Variants in SPAG16 observed in about 807,000 individuals in gnomAD.
The protein encoded by SPAG16 is sperm associated antigen 16, also known as sperm-associated antigen 16 protein.
SPAG16 carries 86 observed loss-of-function variants against 80.4 expected under a neutral mutation model. That is an observed-to-expected ratio of 1.07 (90% confidence interval 0.90 to 1.28). The LOEUF (loss-of-function observed/expected upper bound fraction) is 1.28, where lower values mean the gene tolerates loss of function less well. SPAG16 is among the 50% of genes most tolerant of loss of function. The probability of loss-of-function intolerance (pLI) is 0.00; values close to 1 mark genes in which losing one functional copy is unlikely to be tolerated. For missense variants in SPAG16, 870 were observed against 765.3 expected (o/e 1.14, Z -1.61); for synonymous variants, 294 against 265.9 (o/e 1.11, Z -1.03).
At chr2:214,303,419 T>C (rs1694696680) in intron 15 of SPAG16, among the ~76,000 whole-genome samples, 1 of 152,188 alleles carries the variant, frequency 6.6e-6, no homozygotes, top group Non-Finnish European at 1.5e-5. Flanking sequence ...ATGGATGGCA[T>C]TTTTTTAAAG....
chr2:214,231,233 A>G (rs1049698163), intron 15 of SPAG16, among the ~76,000 whole-genome samples: 7 of 152,014 alleles, frequency 4.6e-5, no homozygotes, highest in East Asian at 1.9e-4. Flanking sequence ...TTCAAATGCA[A>G]TCTAGCCTGG....
At chr2:213,763,560 A>G (rs2068773576) in intron 10 of SPAG16, among the ~76,000 whole-genome samples, 1 of 152,172 alleles carries the variant, frequency 6.6e-6, no homozygotes, top group Non-Finnish European at 1.5e-5. Flanking sequence ...AGTTTCAGTT[A>G]TGCAACATTA....
intron 12 of SPAG16, among the ~76,000 whole-genome samples, chr2:213,958,510 C>A (rs2044258712): frequency 6.6e-6 from 1 of 152,132 alleles, no homozygotes; most frequent in African/African-American, 2.4e-5. Flanking sequence ...GCCAAAGCAA[C>A]ATAAAATTAT....
intron 9 of SPAG16, among the ~76,000 whole-genome samples, chr2:213,397,406 C>T (rs1359487749): frequency 3.3e-5 from 5 of 152,198 alleles, no homozygotes; most frequent in African/African-American, 4.8e-5. Context: ...TGTTCTCCCT[C>T]CTTCATGAAC....
intron 12 of SPAG16, among the ~76,000 whole-genome samples, chr2:213,975,142 ATAGATG>A (rs1478028446): frequency 2.2e-4 from 34 of 151,138 alleles, no homozygotes; most frequent in African/African-American, 8.0e-4. Context: ...TAGGTCTGTA[ATAGATG>A]TAGATGTATT....
intron 15 of SPAG16, among the ~76,000 whole-genome samples, chr2:214,403,812 A>G (rs1701846171): frequency 6.6e-6 from 1 of 152,220 alleles, no homozygotes. Context: ...CACGAAGTTA[A>G]GAATGTAAGA....
In SPAG16 at chr2:214,154,841, C is replaced by A. The variant is rs571673029; in HGVS notation, c.1720+5575C>A. Among the ~76,000 whole-genome samples the A allele has an allele frequency of 1.3e-4, 20 of 152,128 alleles. 1 individual carries two copies. The South Asian group carries it at 1.7e-3, about 13-fold the overall frequency. On this transcript the variant is annotated intron_variant, in intron 15 of 15. Transcript: ENST00000331683. The stretch of plus-strand genomic sequence containing the variant: ...GACAAGATGTTGTAACAAAGACCAA[C>A]CAGATTTATTCCTAACCTAAAACGA...
intron 10 of SPAG16, among the ~76,000 whole-genome samples, chr2:213,703,120 T>G (rs766549252): frequency 1.3e-5 from 2 of 152,168 alleles, no homozygotes; most frequent in Admixed American, 1.3e-4. Flanking sequence ...CCTGTGATAA[T>G]AGACATAGTG....
At chr2:213,324,829 C>G (rs997345484) in intron 5 of SPAG16, among the ~76,000 whole-genome samples, 1 of 152,052 alleles carries the variant, frequency 6.6e-6, no homozygotes, top group Non-Finnish European at 1.5e-5. Context: ...TTCCCACATT[C>G]AAGTTGGTCC....
At chr2:213,746,900 ATTTACTGTACTTTTTATCATTATTTTAG>A in intron 10 of SPAG16, among the ~76,000 whole-genome samples, 1 of 152,208 alleles carries the variant, frequency 6.6e-6, no homozygotes, top group South Asian at 2.1e-4. Context: ...TGGTTTATGT[ATTTACTGTACTTTTTATCATTATTTTAG>A]AGTGTACTCC....
At chr2:214,142,626 A>G (rs1233991707) in intron 14 of SPAG16, among the ~76,000 whole-genome samples, 3 of 152,182 alleles carry the variant, frequency 2.0e-5, no homozygotes, top group Non-Finnish European at 4.4e-5. Context: ...CGTTTAATGT[A>G]GATGAAATCT....
Position 213,715,222 on chromosome 2 carries a change from G to GTCTGTCTATCTATCTA in SPAG16, c.1071-147260_1071-147259insGTCTATCTATCTATCT, listed in dbSNP as rs547716333. 5.6e-3 allele frequency among the ~76,000 whole-genome samples: 619 copies of GTCTGTCTATCTATCTA among 110,562 alleles called. 7 individuals carry two copies. The highest frequency in any genetic ancestry group is 0.012 in the African/African-American group (415 of 34,910). 72.5% of individuals were successfully genotyped at this position (110,562 alleles called of 152,430 possible). On this transcript the variant is annotated intron_variant, in intron 10 of 15. Coordinates refer to ENST00000331683, the MANE Select transcript of SPAG16 (RefSeq NM_024532.5). Reference sequence around the variant, plus strand: ...AGATTCAAGTTAGGTAGATCTATCTGTCTATCTATCTATCTATCTATCTAT... The same window carrying GTCTGTCTATCTATCTA: ...AGATTCAAGTTAGGTAGATCTATCTGTCTGTCTATCTATCTATCTATCTATCTATCTATCTATCTAT...
At chr2:214,077,291 C>A (rs2051128389) in intron 13 of SPAG16, among the ~76,000 whole-genome samples, 1 of 152,172 alleles carries the variant, frequency 6.6e-6, no homozygotes, top group South Asian at 2.1e-4. Context: ...GTCCCTCACT[C>A]TTGTTTCTGT....
chr2:213,390,005 A>G (rs1178465577), intron 9 of SPAG16, among the ~76,000 whole-genome samples: 3 of 152,208 alleles, frequency 2.0e-5, no homozygotes, highest in Non-Finnish European at 4.4e-5. Flanking sequence ...CAGCTGAAGG[A>G]ATAAGCAAAA....
intron 14 of SPAG16, among the ~76,000 whole-genome samples, chr2:214,135,772 A>G (rs2055021003): frequency 6.7e-6 from 1 of 149,966 alleles, no homozygotes. Flanking sequence ...CTCTCTTGCC[A>G]TGTGATCTCT....
At chr2:213,762,238 G>T (rs868578694) in intron 10 of SPAG16, among the ~76,000 whole-genome samples, 4 of 152,306 alleles carry the variant, frequency 2.6e-5, no homozygotes, top group South Asian at 2.1e-4. Context: ...TGTTTAAGGG[G>T]AATAGAGTTT....
intron 10 of SPAG16, among the ~76,000 whole-genome samples, chr2:213,492,967 T>G (rs2125740885): frequency 6.6e-6 from 1 of 152,330 alleles, no homozygotes; most frequent in Admixed American, 6.5e-5. Flanking sequence ...CTCTCGTTTC[T>G]CCTTCTCTGT....
rs546388159 is a variant in SPAG16, at chr2:214,221,291, A to G, written c.1720+72025A>G. On this transcript the variant is annotated intron_variant, in intron 15 of 15. Transcript: ENST00000331683. ...TACTTTTAAATGTAGTTTTTTTTGA[A>G]TGATGTTTTCTTTGTAACTTATCTT... Among the ~76,000 whole-genome samples, 12 of 151,932 alleles carry G rather than the reference A, an allele frequency of 7.9e-5. No homozygotes were observed. The South Asian group carries it at 2.5e-3, about 32-fold the overall frequency.
chr2:213,739,786 G>C (rs2067460473), intron 10 of SPAG16, among the ~76,000 whole-genome samples: 1 of 152,118 alleles, frequency 6.6e-6, no homozygotes, highest in Non-Finnish European at 1.5e-5. Context: ...GTTTTTAGTA[G>C]AGGTGGGGTT....
Sources: allele counts gnomAD v4.1 joint callset (sites outside exome capture counted in the v4.1 genomes callset), GRCh38; gene constraint gnomAD v4.1.1; transcripts MANE v1.5; gene names NCBI Gene and HGNC (gene_info 2026-07-23, HGNC 2026-07-21).